SPON1: variants seen among roughly 807,000 people sequenced by gnomAD.
SPON1 encodes the protein spondin 1.
A neutral mutation model predicts 111.7 loss-of-function variants in SPON1; 52 were observed. The observed-to-expected ratio is 0.47, with a 90% confidence interval of 0.37 to 0.59. SPON1 has a LOEUF of 0.59. Among genes scored for constraint, SPON1 ranks in the 20% least tolerant of loss-of-function variants. The pLI is 0.00. For missense variants in SPON1, 957 were observed against 1,068.5 expected, an observed-to-expected ratio of 0.90 and a Z score of 1.46; for synonymous variants, 410 against 395.8, an observed-to-expected ratio of 1.04 and a Z score of -0.43.
chr11:14,257,734 GC>G lies in SPON1; in HGVS notation c.1329del (p.Cys443Ter), dbSNP rs1238765449. 6.2e-7 allele frequency: 1 copy of G among 1,611,926 alleles called. No homozygotes were observed. The highest frequency in any genetic ancestry group is 8.5e-7 in the Non-Finnish European group (1 of 1,179,112). Reference protein sequence around the residue: ...EKDEDDTPETCIYSNWSPWSA... With the variant: ...EKDEDDTPETXIYSNWSPWSA... ...TTTCCAGATGACACCCCTGAAACCT[GC>G]ATCTACTCCAACTGGTCCCCATGGT... On this transcript the variant is annotated frameshift_variant, in exon 11 of 16. Coordinates refer to ENST00000576479, the MANE Select transcript of SPON1 (RefSeq NM_006108.4). LOFTEE classifies it high-confidence loss of function.
At chr11:14,233,808 T>A (rs1848832125) in intron 6 of SPON1, among the ~76,000 whole-genome samples, 1 of 144,550 alleles carries the variant, frequency 6.9e-6, no homozygotes, top group Admixed American at 7.4e-5. Flanking sequence ...CGTCGCCCAG[T>A]CTGGAGTGCA....
At chr11:14,187,449 C>T (rs1417459195) in intron 6 of SPON1, among the ~76,000 whole-genome samples, 2 of 152,002 alleles carry the variant, frequency 1.3e-5, no homozygotes, top group Non-Finnish European at 2.9e-5. Context: ...TTTTTTTCAT[C>T]GTTAGTACCC....
At chr11:14,230,809 G>C (rs1848791736) in intron 6 of SPON1, among the ~76,000 whole-genome samples, 7 of 151,642 alleles carry the variant, frequency 4.6e-5, no homozygotes, top group Admixed American at 4.6e-4. Flanking sequence ...GTGGTGGTGA[G>C]ACAGGGTCTC....
intron 4 of SPON1, among the ~76,000 whole-genome samples, chr11:14,077,465 C>T (rs1848926836): frequency 6.6e-6 from 1 of 151,604 alleles, no homozygotes; most frequent in South Asian, 2.1e-4. Context: ...CAGAGTTTCA[C>T]TCTGTCACCC....
intron 6 of SPON1, among the ~76,000 whole-genome samples, chr11:14,182,029 C>A (rs1156816318): frequency 3.9e-5 from 6 of 152,140 alleles, no homozygotes; most frequent in Non-Finnish European, 5.9e-5. Flanking sequence ...ATCCATGAGG[C>A]AACCATGACA....
At position 14,177,886 on chromosome 11, in the gene SPON1, T is replaced by A. The variant is rs139314172; in HGVS notation, c.825+42318T>A. On this transcript the variant is annotated intron_variant, in intron 6 of 15. Transcript: ENST00000576479. ...TAGATCTGTTTCACTGTCTCAGTCA[T>A]AATTTTGCAAAGGCGATTTCCCTGA... Among the ~76,000 whole-genome samples, 36 of 152,314 alleles carry A rather than the reference T, an allele frequency of 2.4e-4. No homozygotes were observed. In the East Asian group the frequency reaches 6.8e-3, roughly 29 times the overall value.
At chr11:14,260,916 C>T (rs1849164303) in intron 14 of SPON1, among the ~76,000 whole-genome samples, 164 bp downstream of exon 14, 1 of 152,128 alleles carries the variant, frequency 6.6e-6, no homozygotes, top group African/African-American at 2.4e-5. Flanking sequence ...ACACTGCAGT[C>T]AGTTTCATTA....
chr11:14,203,614 C>T (rs1001636873), intron 6 of SPON1, among the ~76,000 whole-genome samples: 1 of 152,158 alleles, frequency 6.6e-6, no homozygotes, highest in Non-Finnish European at 1.5e-5. Context: ...AACAAATGTG[C>T]AAATTCCAAA....
In SPON1 at chr11:14,045,287, C is replaced by T. The variant is rs148916652; in HGVS notation, c.479+3633C>T. Among the ~76,000 whole-genome samples the T allele has an allele frequency of 3.0e-3, 452 of 152,234 alleles. 1 individual carries two copies. The highest frequency in any genetic ancestry group is 0.01 in the African/African-American group (427 of 41,540). Reference sequence around the variant, plus strand: ...TCTGTCTTTTAAAAATTGATTTACACGGCCGGGCGTGGTGGCTCTTGCTTG... The same window carrying T: ...TCTGTCTTTTAAAAATTGATTTACATGGCCGGGCGTGGTGGCTCTTGCTTG... On this transcript the variant is annotated intron_variant, in intron 3 of 15. Transcript: ENST00000576479.
intron 5 of SPON1, among the ~76,000 whole-genome samples, chr11:14,083,888 A>T (rs1554922301): frequency 6.6e-6 from 1 of 152,126 alleles, no homozygotes; most frequent in East Asian, 1.9e-4. Flanking sequence ...GAATAACCAT[A>T]ATTTGTCTGT....
intron 2 of SPON1, among the ~76,000 whole-genome samples, chr11:14,026,617 T>G (rs1848520230): frequency 6.6e-6 from 1 of 152,178 alleles, no homozygotes; most frequent in Non-Finnish European, 1.5e-5. Flanking sequence ...TTTGATCCCA[T>G]GCCGATGTCT....
At chr11:14,159,698 C>T (rs1169736585) in intron 6 of SPON1, among the ~76,000 whole-genome samples, 4 of 151,998 alleles carry the variant, frequency 2.6e-5, no homozygotes, top group African/African-American at 9.7e-5. Context: ...GAGTACTATT[C>T]AGCCATAAGA....
intron 6 of SPON1, among the ~76,000 whole-genome samples, chr11:14,162,017 G>C (rs1847971225): frequency 6.6e-6 from 1 of 151,920 alleles, no homozygotes; most frequent in Admixed American, 6.6e-5. Flanking sequence ...AAATGGCTGG[G>C]CATGGTGGCA....
At chr11:14,083,397 T>C (rs540652663) in intron 5 of SPON1, among the ~76,000 whole-genome samples, 2 of 152,224 alleles carry the variant, frequency 1.3e-5, no homozygotes, top group Non-Finnish European at 2.9e-5. Context: ...TTTAATAACC[T>C]TTTCTGATAA....
chr11:14,051,081 G>T (rs1848704142), intron 3 of SPON1, among the ~76,000 whole-genome samples: 1 of 152,290 alleles, frequency 6.6e-6, no homozygotes, highest in South Asian at 2.1e-4. Context: ...GTGAAGAGGG[G>T]TGTAGAGTTG....
At chr11:14,037,023 T>C (rs751237771) in intron 2 of SPON1, among the ~76,000 whole-genome samples, 3 of 152,154 alleles carry the variant, frequency 2.0e-5, no homozygotes, top group African/African-American at 4.8e-5. Context: ...ATAGCTACCT[T>C]ATTCAAGTAA....
intron 3 of SPON1, among the ~76,000 whole-genome samples, chr11:14,066,108 C>T (rs1440950542): frequency 2.0e-5 from 3 of 152,160 alleles, no homozygotes; most frequent in Non-Finnish European, 4.4e-5. Flanking sequence ...CCCCAGGTAC[C>T]ACTAATCAAT....
chr11:13,986,379 A>G (rs1848184812), intron 2 of SPON1, among the ~76,000 whole-genome samples: 1 of 152,322 alleles, frequency 6.6e-6, no homozygotes, highest in South Asian at 2.1e-4. Flanking sequence ...TCATTCATTG[A>G]TACATAATAT....
intron 2 of SPON1, among the ~76,000 whole-genome samples, chr11:14,016,238 C>A (rs76796414): frequency 6.6e-6 from 1 of 152,234 alleles, no homozygotes; most frequent in Non-Finnish European, 1.5e-5. Context: ...CTAAGTGCTA[C>A]GCACTTTACA....
Sources: allele counts gnomAD v4.1 joint callset (sites outside exome capture counted in the v4.1 genomes callset), GRCh38; gene constraint gnomAD v4.1.1; transcripts MANE v1.5; gene names NCBI Gene and HGNC (gene_info 2026-07-23, HGNC 2026-07-21).